Variants in TBC1D8 observed in about 807,000 individuals in gnomAD.
The protein encoded by TBC1D8 is BUB2-like protein 1.
A neutral mutation model predicts 118.8 loss-of-function variants in TBC1D8; 65 were observed. That is an observed-to-expected ratio of 0.55 (90% CI 0.45 to 0.67). The LOEUF (loss-of-function observed/expected upper bound fraction) is 0.67, where lower values mean the gene tolerates loss of function less well. Ranked by LOEUF, TBC1D8 falls within the 30% of genes least tolerant of loss-of-function variation. The pLI is 0.00. For missense variants in TBC1D8, 1,376 were observed against 1,471.2 expected, an observed-to-expected ratio of 0.94 and a Z score of 1.06; for synonymous variants, 566 against 595.8, an observed-to-expected ratio of 0.95 and a Z score of 0.73.
rs376615941 is a variant in TBC1D8, at chr2:101,038,660, G to A, written c.1081-5C>T. On this transcript the variant is annotated splice_region_variant and splice_polypyrimidine_tract_variant and intron_variant, in intron 6 of 19. Coordinates refer to ENST00000409318, the MANE Select transcript of TBC1D8 (RefSeq NM_001330348.2). ...CATCTTCTCGATGCTCACCACCTGCGCGAGAGGCAACATGCAGGGACAGAA... is the reference window on the plus strand; with the variant it reads ...CATCTTCTCGATGCTCACCACCTGCACGAGAGGCAACATGCAGGGACAGAA... 29 of 1,613,628 alleles carry A rather than the reference G, an allele frequency of 1.8e-5. No homozygotes were observed. The highest frequency in any genetic ancestry group is 2.7e-5 in the African/African-American group (2 of 75,056).
intron 1 of TBC1D8, among the ~76,000 whole-genome samples, chr2:101,130,709 T>G (rs1383550393): frequency 6.6e-6 from 1 of 152,198 alleles, no homozygotes; most frequent in East Asian, 1.9e-4. Context: ...AACCCCAGAT[T>G]AATCACTAGA....
rs139585536 is a variant in TBC1D8 at position 101,090,126 on chromosome 2, T to C, written c.283+83A>G. On this transcript the variant is annotated intron_variant, in intron 2 of 19. Transcript: ENST00000409318. ...AGATGAGGGAGTTATCCAAAGGGGT[T>C]ACCTTCAAGCTTCACCAACATGCAG... is the stretch of plus-strand genomic sequence containing the variant. The C allele has an allele frequency of 2.1e-4, 311 of 1,458,636 alleles. 1 individual carries two copies. In the East Asian group the frequency reaches 7.3e-3, roughly 34 times the overall value. The allele number at this position is 1,458,636 out of a possible 1,614,324, so 90.4% of individuals were successfully genotyped here. A position where few individuals can be genotyped will look rare whatever the true frequency, so the allele number is the denominator to read the frequency against.
rs556789907 is a variant in TBC1D8 at position 101,092,329 on chromosome 2, A to ATCCT, written c.128-1969_128-1966dup. Among the ~76,000 whole-genome samples, 40 of 152,276 alleles carry ATCCT rather than the reference A, an allele frequency of 2.6e-4. 1 individual carries two copies. The East Asian group carries it at 6.9e-3, about 26-fold the overall frequency. The stretch of plus-strand genomic sequence containing the variant: ...AGTGATGCTGTGTTCTTTTCACCAC[A>ATCCT]TCCTATCAGGTGGCAGATGACCTCT... On this transcript the variant is annotated intron_variant, in intron 1 of 19. Coordinates refer to ENST00000409318, the MANE Select transcript of TBC1D8 (RefSeq NM_001330348.2).
intron 8 of TBC1D8, among the ~76,000 whole-genome samples, chr2:101,036,583 G>A (rs1021695508): frequency 6.6e-6 from 1 of 152,124 alleles, no homozygotes; most frequent in Admixed American, 6.6e-5. Context: ...AGAGGGCAAA[G>A]GGGAGTACAG....
At chr2:101,107,178 T>C (rs956652529) in intron 1 of TBC1D8, among the ~76,000 whole-genome samples, 3 of 152,130 alleles carry the variant, frequency 2.0e-5, no homozygotes, top group Non-Finnish European at 4.4e-5. Flanking sequence ...GAGGCAAGAA[T>C]GATCCAGATG....
chr2:101,095,423 C>T (rs1676350222), intron 1 of TBC1D8, among the ~76,000 whole-genome samples: 1 of 128,674 alleles, frequency 7.8e-6, no homozygotes, highest in South Asian at 3.1e-4. Context: ...CCACAACAGT[C>T]CCCGGTGTGT....
chr2:101,064,393 G>A (rs1682914664), intron 2 of TBC1D8, among the ~76,000 whole-genome samples: 1 of 152,112 alleles, frequency 6.6e-6, no homozygotes, highest in Non-Finnish European at 1.5e-5. Context: ...AGAAATCAAT[G>A]CTTGTTATTT....
chr2:101,090,407 C>A, intron 1 of TBC1D8, 43 bp from the exon 2 acceptor site: 2 of 1,607,784 alleles, frequency 1.2e-6, no homozygotes, highest in African/African-American at 1.3e-5. Flanking sequence ...GAGCATGGGG[C>A]TGGCCAGCTC....
intron 7 of TBC1D8, among the ~76,000 whole-genome samples, chr2:101,037,969 C>G (rs953378371): frequency 4.6e-5 from 7 of 152,186 alleles, no homozygotes; most frequent in Non-Finnish European, 8.8e-5. Flanking sequence ...TGGGCAGCCC[C>G]AGCCTCCCCT....
intron 1 of TBC1D8, among the ~76,000 whole-genome samples, chr2:101,128,395 A>G (rs1191942103): frequency 6.6e-6 from 1 of 152,222 alleles, no homozygotes; most frequent in African/African-American, 2.4e-5. Context: ...TGAGGGTCTC[A>G]GGGCCAGGCT....
At chr2:101,093,866 C>T (rs555823025) in intron 1 of TBC1D8, among the ~76,000 whole-genome samples, 7 of 152,080 alleles carry the variant, frequency 4.6e-5, no homozygotes, top group African/African-American at 1.4e-4. Flanking sequence ...CCTGCCACCA[C>T]GCCTAGCTAA....
At chr2:101,033,152 C>G (rs930720520) in intron 10 of TBC1D8, among the ~76,000 whole-genome samples, 1 of 150,984 alleles carries the variant, frequency 6.6e-6, no homozygotes, top group Non-Finnish European at 1.5e-5. Context: ...GAGTCTCGCT[C>G]TGTTGCCAGG....
Position 101,007,413 on chromosome 2 carries a change from T to G in TBC1D8, c.*408A>C, listed in dbSNP as rs754373292. The G allele has an allele frequency of 1.4e-4, 26 of 190,822 alleles. No individual in the cohort carries two copies. Among genetic ancestry groups the G allele is most frequent in the Non-Finnish European group, 2.4e-4 (22 of 92,750 alleles). 11.8% of individuals were successfully genotyped at this position (190,822 alleles called of 1,614,324 possible). A position where few individuals can be genotyped will look rare whatever the true frequency, so the allele number is the denominator to read the frequency against. On this transcript the variant is annotated 3_prime_UTR_variant, in exon 20 of 20. Transcript: ENST00000409318. ...ACAATTGCACAGATAGTGGACTCCCTTAGATCTTGAAAGTGAACTTGATTC... is the reference window on the plus strand; with the variant it reads ...ACAATTGCACAGATAGTGGACTCCCGTAGATCTTGAAAGTGAACTTGATTC...
chr2:101,090,219 G>C lies in TBC1D8; in HGVS notation c.273C>G (p.Ala91=). 1 of 1,613,440 alleles carries C rather than the reference G, an allele frequency of 6.2e-7. No homozygotes were observed. Among genetic ancestry groups the C allele is most frequent in the East Asian group, 2.2e-5 (1 of 44,834 alleles). The change falls in exon 2 of 20, where the codon GCC becomes GCG. Residue 91 remains alanine, a synonymous_variant. Transcript: ENST00000409318. ...TGGAACAAAACTCACCAGTGGCTATGGCCCAGTAAACGTCTGATCCATTCA... is the reference window on the plus strand; with the variant it reads ...TGGAACAAAACTCACCAGTGGCTATCGCCCAGTAAACGTCTGATCCATTCA... ...ELLNGSDVYW[A]IATGATLEEI...
chr2:101,008,271 T>A lies in TBC1D8; in HGVS notation c.3018A>T (p.Arg1006Ser), dbSNP rs775605526. 6.6e-7 allele frequency: 1 copy of A among 1,519,208 alleles called. No individual in the cohort carries two copies. Among genetic ancestry groups the A allele is most frequent in the South Asian group, 1.3e-5 (1 of 74,882 alleles). The allele number at this position is 1,519,208 out of a possible 1,614,324, so 94.1% of individuals were successfully genotyped here. A position where few individuals can be genotyped will look rare whatever the true frequency, so the allele number is the denominator to read the frequency against. Reference sequence around the variant, plus strand: ...GAGTTTTACAGAACTGGATAAATTCTCTCTGAAATTGAAATAAGTCTTAGG... The same window carrying A: ...GAGTTTTACAGAACTGGATAAATTCACTCTGAAATTGAAATAAGTCTTAGG... ...TEKELPKMSQ[R>S]EFIQFCKTLY... Residue 1006 changes from arginine (R) to serine (S), a missense_variant and splice_region_variant, in exon 20 of 20, where the codon AGA (arginine) becomes AGT (serine). Arg to Ser is a moderately radical substitution (Grantham distance 110). Coordinates refer to ENST00000409318, the MANE Select transcript of TBC1D8 (RefSeq NM_001330348.2).
chr2:101,141,950 T>G (rs1240003358), intron 1 of TBC1D8, among the ~76,000 whole-genome samples: 1 of 152,270 alleles, frequency 6.6e-6, no homozygotes, highest in Admixed American at 6.5e-5. Flanking sequence ...TTCTCATCCC[T>G]ATTAGTAACA....
chr2:101,046,964 T>TC, intron 5 of TBC1D8, among the ~76,000 whole-genome samples: 1 of 151,976 alleles, frequency 6.6e-6, no homozygotes, highest in African/African-American at 2.4e-5. Context: ...CCAACTACCC[T>TC]CCCCAAAAAA....
intron 1 of TBC1D8, among the ~76,000 whole-genome samples, chr2:101,099,847 T>G (rs1018073847): frequency 6.6e-6 from 1 of 152,166 alleles, no homozygotes; most frequent in Non-Finnish European, 1.5e-5. Context: ...AACTAGGTAT[T>G]GATGGAACAT....
rs750316522 is a variant in TBC1D8 at position 101,033,530 on chromosome 2, C to G, written c.1818+14G>C. On this transcript the variant is annotated intron_variant, in intron 10 of 19. Transcript: ENST00000409318. Reference sequence around the variant, plus strand: ...ACTAAAGACTCTCTGCGCCCCAGAGCACACCCCTTTCACCTGGCAGTATCC... The same window carrying G: ...ACTAAAGACTCTCTGCGCCCCAGAGGACACCCCTTTCACCTGGCAGTATCC... 1 of 1,613,826 alleles carries G rather than the reference C, an allele frequency of 6.2e-7. No individual in the cohort carries two copies. The highest frequency in any genetic ancestry group is 1.1e-5 in the South Asian group (1 of 91,084).
Sources: allele counts gnomAD v4.1 joint callset (sites outside exome capture counted in the v4.1 genomes callset), GRCh38; gene constraint gnomAD v4.1.1; transcripts MANE v1.5; gene names NCBI Gene and HGNC (gene_info 2026-07-23, HGNC 2026-07-21).